The following CACNA2D3 variants were observed in gnomAD, a reference collection of about 807,000 sequenced individuals.
The protein encoded by CACNA2D3 is calcium voltage-gated channel auxiliary subunit alpha2delta 3.
In CACNA2D3, 60 loss-of-function variants were observed where a neutral mutation model predicts 160.6. The observed-to-expected ratio is 0.37, with a 90% CI of 0.30 to 0.46. The LOEUF is 0.46. CACNA2D3 is among the 20% of genes least tolerant of loss of function. The pLI, the probability that CACNA2D3 is intolerant of heterozygous loss-of-function variation, is 1.00. For missense variants in CACNA2D3, 1,205 were observed against 1,365.0 expected (o/e 0.88, Z 1.85); for synonymous variants, 558 against 492.9 (o/e 1.13, Z -1.75).
chr3:54,275,302 C>G (rs72986058), intron 2 of CACNA2D3, among the ~76,000 whole-genome samples: 2,289 of 152,246 alleles, frequency 0.015, 55 homozygotes, highest in African/African-American at 0.053. Context: ...GTGTGCACCC[C>G]TCCCCTAGGC....
intron 2 of CACNA2D3, among the ~76,000 whole-genome samples, chr3:54,295,322 C>T (rs534165514): frequency 7.9e-5 from 12 of 152,234 alleles, no homozygotes; most frequent in African/African-American, 2.6e-4. Flanking sequence ...TGTGTGGGGC[C>T]TCTGTAAACC....
chr3:54,536,689 G>T (rs1339731139), intron 5 of CACNA2D3, among the ~76,000 whole-genome samples: 1 of 152,226 alleles, frequency 6.6e-6, no homozygotes, highest in Non-Finnish European at 1.5e-5. Flanking sequence ...CCCAAAAGCA[G>T]AGAATGCCAT....
intron 2 of CACNA2D3, among the ~76,000 whole-genome samples, chr3:54,162,944 T>A (rs1255379532): frequency 6.6e-6 from 1 of 152,038 alleles, no homozygotes; most frequent in East Asian, 1.9e-4. Flanking sequence ...TAGTGGGAGG[T>A]GCTGCCTCAG....
At chr3:54,518,968 C>G (rs547286879) in intron 5 of CACNA2D3, among the ~76,000 whole-genome samples, 1 of 152,340 alleles carries the variant, frequency 6.6e-6, no homozygotes, top group South Asian at 2.1e-4. Context: ...AGAAAAGGGA[C>G]TCAGGGGATG....
intron 5 of CACNA2D3, among the ~76,000 whole-genome samples, chr3:54,517,627 C>T (rs1701574266): frequency 6.6e-6 from 1 of 152,188 alleles, no homozygotes; most frequent in African/African-American, 2.4e-5. Context: ...ACGTGGTTTA[C>T]TGACAGTGAC....
intron 4 of CACNA2D3, among the ~76,000 whole-genome samples, chr3:54,487,937 G>T (rs763280414): frequency 1.3e-5 from 2 of 152,166 alleles, no homozygotes; most frequent in Non-Finnish European, 2.9e-5. Context: ...TGTTGGATGG[G>T]GCTGGGCTTG....
At chr3:54,687,491 T>G (rs534438373) in intron 11 of CACNA2D3, among the ~76,000 whole-genome samples, 3 of 152,006 alleles carry the variant, frequency 2.0e-5, no homozygotes, top group Non-Finnish European at 2.9e-5. Flanking sequence ...TAAGTTTTTT[T>G]TAAGGAAATA....
At position 54,402,627 on chromosome 3, in the gene CACNA2D3, A is replaced by C. The variant is rs186821738; in HGVS notation, c.381+15853A>C. ...ATATGCACCCAATCTGAGAGCACCT[A>C]AGACAAATATTAATTGACATTAAGG... On this transcript the variant is annotated intron_variant, in intron 4 of 37. Transcript: ENST00000474759. Among the ~76,000 whole-genome samples the C allele has an allele frequency of 2.0e-4, 30 of 152,308 alleles. 1 individual carries two copies. The East Asian group carries it at 4.2e-3, about 22-fold the overall frequency.
At chr3:54,934,642 G>A (rs1488739932) in intron 27 of CACNA2D3, among the ~76,000 whole-genome samples, 1 of 152,160 alleles carries the variant, frequency 6.6e-6, no homozygotes, top group Non-Finnish European at 1.5e-5. Flanking sequence ...CAGAGCCTAA[G>A]ACTTAGCCAG....
At chr3:54,785,824 A>G (rs902119894) in intron 13 of CACNA2D3, among the ~76,000 whole-genome samples, 6 of 152,146 alleles carry the variant, frequency 3.9e-5, no homozygotes, top group East Asian at 3.9e-4. Flanking sequence ...CACAAGTCCT[A>G]TTGATTCCAC....
intron 2 of CACNA2D3, chr3:54,177,947 T>C (rs939929238): frequency 1.3e-5 from 2 of 152,238 alleles, no homozygotes; most frequent in African/African-American, 2.4e-5. Context: ...AATATTACCT[T>C]ATTTCCACGG....
chr3:54,672,259 T>C (rs191906769), intron 11 of CACNA2D3, among the ~76,000 whole-genome samples: 153 of 152,280 alleles, frequency 1.0e-3, no homozygotes, highest in Non-Finnish European at 1.7e-3. Context: ...GTTTCTTAAT[T>C]AGGCTGGCTG....
intron 2 of CACNA2D3, among the ~76,000 whole-genome samples, chr3:54,306,516 G>T (rs976558360): frequency 6.6e-6 from 1 of 152,228 alleles, no homozygotes; most frequent in Non-Finnish European, 1.5e-5. Context: ...CACACTTGGG[G>T]TCTGTAGGGA....
At chr3:54,209,130 T>G (rs1490354418) in intron 2 of CACNA2D3, among the ~76,000 whole-genome samples, 1 of 151,996 alleles carries the variant, frequency 6.6e-6, no homozygotes, top group Non-Finnish European at 1.5e-5. Context: ...AAAAAGAGAT[T>G]TGGGTGGGGA....
chr3:54,374,218 A>T (rs1486667948), intron 3 of CACNA2D3, among the ~76,000 whole-genome samples: 1 of 152,172 alleles, frequency 6.6e-6, no homozygotes, highest in Non-Finnish European at 1.5e-5. Flanking sequence ...GCCACCACCA[A>T]CGATCTCCGG....
intron 27 of CACNA2D3, among the ~76,000 whole-genome samples, chr3:54,920,539 A>T (rs1014633141): frequency 6.6e-5 from 10 of 152,192 alleles, no homozygotes; most frequent in African/African-American, 2.4e-4. Flanking sequence ...CTGAGGCCAG[A>T]GGTTCAGAGC....
At chr3:55,031,268 C>T (rs1310281819) in intron 35 of CACNA2D3, among the ~76,000 whole-genome samples, 1 of 152,146 alleles carries the variant, frequency 6.6e-6, no homozygotes, top group Non-Finnish European at 1.5e-5. Context: ...TCTGTGTTCC[C>T]CCCTTGCTGT....
At chr3:54,473,738 C>T (rs1055952437) in intron 4 of CACNA2D3, among the ~76,000 whole-genome samples, 2 of 152,180 alleles carry the variant, frequency 1.3e-5, no homozygotes, top group Non-Finnish European at 2.9e-5. Flanking sequence ...TCAACAGACA[C>T]TTCTCAAAAG....
chr3:54,710,600 T>C (rs1700935778), intron 11 of CACNA2D3, among the ~76,000 whole-genome samples: 1 of 152,168 alleles, frequency 6.6e-6, no homozygotes, highest in Non-Finnish European at 1.5e-5. Flanking sequence ...CCAACATGAC[T>C]ACCAGGAAAA....
Sources: allele counts gnomAD v4.1 joint callset (sites outside exome capture counted in the v4.1 genomes callset), GRCh38; gene constraint gnomAD v4.1.1; transcripts MANE v1.5; gene names NCBI Gene and HGNC (gene_info 2026-07-23, HGNC 2026-07-21).